OMA1: variants seen among roughly 807,000 people sequenced by gnomAD.
The protein encoded by OMA1 is metalloendopeptidase OMA1, mitochondrial.
Under a neutral mutation model 30.9 loss-of-function variants are expected in OMA1, and 38 were observed. That is an observed-to-expected ratio of 1.23 (90% confidence interval 0.95 to 1.61). The LOEUF is 1.61. Among genes scored for constraint, OMA1 ranks in the 40% most tolerant of loss-of-function variants. OMA1 has a pLI of 0.00. For synonymous variants in OMA1, 173 were observed against 121.9 expected (o/e 1.42, Z -2.76); for missense variants, 461 against 349.2 (o/e 1.32, Z -2.55).
chr1:58,501,757 C>T (rs1004105239), intron 8 of OMA1, among the ~76,000 whole-genome samples: 3 of 152,160 alleles, frequency 2.0e-5, no homozygotes, highest in Admixed American at 2.0e-4. Context: ...TCATGTGTTC[C>T]TCTAAAATTC....
intron 8 of OMA1, among the ~76,000 whole-genome samples, chr1:58,487,615 C>T (rs114022377): frequency 0.011 from 1,659 of 152,156 alleles, 32 homozygotes; most frequent in African/African-American, 0.038. Flanking sequence ...CTTTTCTTTG[C>T]TAATTTATTA....
At chr1:58,541,281 G>A (rs1162636589) in intron 1 of OMA1, among the ~76,000 whole-genome samples, 1 of 87,034 alleles carries the variant, frequency 1.1e-5, no homozygotes, top group Non-Finnish European at 2.1e-5. Flanking sequence ...GCAACAGAGT[G>A]AGACTCTGTC....
rs1291329591 is a variant in OMA1, at chr1:58,480,752, T to C, written c.*213A>G. On this transcript the variant is annotated 3_prime_UTR_variant, in exon 9 of 9. Transcript: ENST00000371226. Reference sequence around the variant, plus strand: ...GTAATATAAATTTATTCTGTGACATTTTCCTCATTGAAGATATTTTAACAT... The same window carrying C: ...GTAATATAAATTTATTCTGTGACATCTTCCTCATTGAAGATATTTTAACAT... 2 of 393,704 alleles carry C rather than the reference T, an allele frequency of 5.1e-6. No homozygotes were observed. Among genetic ancestry groups the C allele is most frequent in the South Asian group, 4.7e-5 (1 of 21,468 alleles). 24.4% of individuals were successfully genotyped at this position (393,704 alleles called of 1,614,324 possible).
At chr1:58,541,609 C>T (rs1304162421) in intron 1 of OMA1, 2 of 52,722 alleles carry the variant, frequency 3.8e-5, no homozygotes, top group Non-Finnish European at 7.0e-5. Context: ...AGAATGAGAA[C>T]CTGTCAAAAA....
At chr1:58,486,871 T>C (rs948991730) in intron 8 of OMA1, among the ~76,000 whole-genome samples, 2 of 152,206 alleles carry the variant, frequency 1.3e-5, no homozygotes, top group Non-Finnish European at 2.9e-5. Context: ...CCTGGTCTTG[T>C]ATGTTTCCTA....
intron 8 of OMA1, among the ~76,000 whole-genome samples, chr1:58,495,665 G>A (rs1042219881): frequency 4.6e-5 from 7 of 151,058 alleles, no homozygotes; most frequent in Non-Finnish European, 8.8e-5. Flanking sequence ...CTGACATATT[G>A]TCCTATGTGT....
intron 7 of OMA1, among the ~76,000 whole-genome samples, chr1:58,510,911 T>A (rs1646066492): frequency 6.6e-6 from 1 of 151,834 alleles, no homozygotes; most frequent in African/African-American, 2.4e-5. Context: ...TAAACCAAAC[T>A]AAGGAGGTGA....
intron 1 of OMA1, among the ~76,000 whole-genome samples, chr1:58,544,707 C>T (rs1180750996): frequency 6.6e-6 from 1 of 152,134 alleles, no homozygotes; most frequent in Non-Finnish European, 1.5e-5. Context: ...AATTCTCGTG[C>T]CTCAGTCTCC....
intron 7 of OMA1, among the ~76,000 whole-genome samples, chr1:58,518,147 T>C (rs919979146): frequency 9.8e-5 from 14 of 142,708 alleles, no homozygotes; most frequent in African/African-American, 3.4e-4. Context: ...GATCGCGCCA[T>C]TGCACTCCAG....
rs201473219 is a variant in OMA1 at position 58,544,610 on chromosome 1, G to A, written c.-17+2093C>T. 1.8e-4 allele frequency among the ~76,000 whole-genome samples: 28 copies of A among 151,946 alleles called. No homozygotes were observed. In the East Asian group the frequency reaches 5.2e-3, roughly 28 times the overall value. ...TTCCCATTGTTTTTCTTTTCTTTTC[G>A]AGACAGGGTCTCACTTTGTCGTTGT... is the stretch of plus-strand genomic sequence containing the variant. On this transcript the variant is annotated intron_variant, in intron 1 of 8. Coordinates refer to ENST00000371226, the MANE Select transcript of OMA1 (RefSeq NM_145243.5).
At chr1:58,520,765 A>C (rs1383040524) in intron 7 of OMA1, among the ~76,000 whole-genome samples, 3 of 152,200 alleles carry the variant, frequency 2.0e-5, no homozygotes, top group Non-Finnish European at 2.9e-5. Flanking sequence ...AAAATCTAAC[A>C]ATCTAACAAG....
At chr1:58,529,232 A>G (rs1646396355) in intron 6 of OMA1, among the ~76,000 whole-genome samples, 1 of 152,230 alleles carries the variant, frequency 6.6e-6, no homozygotes, top group South Asian at 2.1e-4. Flanking sequence ...GTCTCATAGA[A>G]TTTTGCACAT....
At chr1:58,492,469 A>C (rs1443732402) in intron 8 of OMA1, among the ~76,000 whole-genome samples, 1 of 152,216 alleles carries the variant, frequency 6.6e-6, no homozygotes, top group African/African-American at 2.4e-5. Flanking sequence ...AAATCAATGA[A>C]TCCAGGAGTT....
chr1:58,532,960 T>C lies in OMA1; in HGVS notation c.1011+993A>G, dbSNP rs967791241. Among the ~76,000 whole-genome samples the C allele has an allele frequency of 3.3e-5, 5 of 152,236 alleles. No homozygotes were observed. In the East Asian group the frequency reaches 9.6e-4, roughly 29 times the overall value. ...AGGAACAGGTAGAATTTGAGATTAC[T>C]CTTAGAAGGATTAGAATCATTATCA... On this transcript the variant is annotated intron_variant, in intron 5 of 8. Transcript: ENST00000371226.
chr1:58,513,682 A>G (rs1416404967), intron 7 of OMA1, among the ~76,000 whole-genome samples: 1 of 152,178 alleles, frequency 6.6e-6, no homozygotes, highest in Admixed American at 6.6e-5. Context: ...CAAAATACTG[A>G]TTATTTTATT....
In OMA1 at chr1:58,524,222, T is replaced by C. The variant is rs528146761; in HGVS notation, c.1215+3039A>G. 4.6e-5 allele frequency among the ~76,000 whole-genome samples: 7 copies of C among 152,330 alleles called. No individual in the cohort carries two copies. The East Asian group carries it at 1.2e-3, about 25-fold the overall frequency. On this transcript the variant is annotated intron_variant, in intron 7 of 8. Coordinates refer to ENST00000371226, the MANE Select transcript of OMA1 (RefSeq NM_145243.5). ...ATCTTTTTTCCAGAATAGCACACTT[T>C]CATCTGCATTAAAAACCTGTTCCGG...
chr1:58,493,034 C>T (rs1052918341), intron 8 of OMA1, among the ~76,000 whole-genome samples: 2 of 151,978 alleles, frequency 1.3e-5, no homozygotes, highest in African/African-American at 2.4e-5. Flanking sequence ...ACTGGCAAAC[C>T]AAATCCAGCA....
intron 7 of OMA1, among the ~76,000 whole-genome samples, chr1:58,518,462 G>A (rs1406197908): frequency 1.3e-5 from 2 of 151,956 alleles, no homozygotes; most frequent in Admixed American, 6.6e-5. Context: ...GAATGGAATG[G>A]AGGGGAGTAG....
At chr1:58,545,876 G>A (rs1646694727) in intron 1 of OMA1, among the ~76,000 whole-genome samples, 1 of 152,170 alleles carries the variant, frequency 6.6e-6, no homozygotes, top group South Asian at 2.1e-4. Flanking sequence ...AAAAGAATTG[G>A]ACGGCAGCAG....
Sources: allele counts gnomAD v4.1 joint callset (sites outside exome capture counted in the v4.1 genomes callset), GRCh38; gene constraint gnomAD v4.1.1; transcripts MANE v1.5; gene names NCBI Gene and HGNC (gene_info 2026-07-23, HGNC 2026-07-21).